Variants in FGGY observed in about 807,000 individuals in gnomAD.
The protein encoded by FGGY is FGGY carbohydrate kinase domain containing, also known as FGGY carbohydrate kinase domain-containing protein.
In FGGY, 72 loss-of-function variants were observed where a neutral mutation model predicts 71.3. That is an observed-to-expected ratio of 1.01 (90% CI 0.84 to 1.23). The LOEUF is 1.23. Among genes scored for constraint, FGGY ranks in the 50% most tolerant of loss-of-function variants. The pLI, the probability that FGGY is intolerant of heterozygous loss-of-function variation, is 0.00. For missense variants in FGGY, 668 were observed against 682.3 expected, an observed-to-expected ratio of 0.98 and a Z score of 0.23; for synonymous variants, 251 against 250.3, an observed-to-expected ratio of 1.00 and a Z score of -0.02.
At chr1:59,730,495 C>G (rs1444083151) in intron 14 of FGGY, among the ~76,000 whole-genome samples, 9 of 152,134 alleles carry the variant, frequency 5.9e-5, no homozygotes, top group Admixed American at 5.9e-4. Flanking sequence ...GCCAGAATAG[C>G]ACCTGACTCA....
chr1:59,577,195 T>C (rs553146378), intron 8 of FGGY, among the ~76,000 whole-genome samples: 1 of 152,330 alleles, frequency 6.6e-6, no homozygotes, highest in African/African-American at 2.4e-5. Flanking sequence ...AATGAGTCAA[T>C]CACAGAGCAT....
intron 7 of FGGY, among the ~76,000 whole-genome samples, chr1:59,539,150 G>A (rs1570945633): frequency 1.3e-5 from 2 of 152,084 alleles, no homozygotes; most frequent in East Asian, 1.9e-4. Context: ...AGGGATATAT[G>A]ATGTTCATTG....
At chr1:59,591,409 T>A (rs1353670456) in intron 8 of FGGY, among the ~76,000 whole-genome samples, 4 of 152,162 alleles carry the variant, frequency 2.6e-5, no homozygotes, top group African/African-American at 7.2e-5. Flanking sequence ...AAGCTACCAA[T>A]GACTTTCTTC....
intron 4 of FGGY, among the ~76,000 whole-genome samples, chr1:59,356,727 G>A (rs1024733687): frequency 6.6e-6 from 1 of 152,126 alleles, no homozygotes; most frequent in Non-Finnish European, 1.5e-5. Context: ...CCCAACATAA[G>A]TTAATTTTCT....
At chr1:59,747,712 C>T (rs1363037776) in intron 14 of FGGY, among the ~76,000 whole-genome samples, 1 of 152,186 alleles carries the variant, frequency 6.6e-6, no homozygotes, top group Admixed American at 6.5e-5. Flanking sequence ...TTAATATGAA[C>T]AGTCATTCTA....
chr1:59,751,662 G>A (rs1046912082), intron 14 of FGGY, among the ~76,000 whole-genome samples: 15 of 152,080 alleles, frequency 9.9e-5, no homozygotes, highest in Admixed American at 6.5e-4. Flanking sequence ...CCTATGTATC[G>A]AAATCTAAGG....
At chr1:59,405,380 C>T (rs1434093948) in intron 5 of FGGY, among the ~76,000 whole-genome samples, 2 of 152,106 alleles carry the variant, frequency 1.3e-5, no homozygotes, top group Non-Finnish European at 2.9e-5. Context: ...CAACTTATTC[C>T]TGGTTGGAAG....
chr1:59,515,921 G>C (rs918359548), intron 7 of FGGY, among the ~76,000 whole-genome samples: 1 of 151,524 alleles, frequency 6.6e-6, no homozygotes, highest in Non-Finnish European at 1.5e-5. Context: ...AGATAGAATA[G>C]TTTTTTTTTG....
At chr1:59,491,026 T>TCCCTCCCCTCCC (rs1179656301) in intron 6 of FGGY, among the ~76,000 whole-genome samples, 1 of 5,000 alleles carries the variant, frequency 2.0e-4, no homozygotes, top group South Asian at 8.9e-3. Context: ...TTCCTTTCCT[T>TCCCTCCCCTCCC]TCCTTTCCTT....
chr1:59,322,131 A>C (rs758442402), intron 2 of FGGY, among the ~76,000 whole-genome samples: 2 of 152,166 alleles, frequency 1.3e-5, no homozygotes, highest in Non-Finnish European at 2.9e-5. Flanking sequence ...GCATCTTCAC[A>C]TGACCCTATA....
At chr1:59,334,178 T>G (rs2049019792) in intron 2 of FGGY, among the ~76,000 whole-genome samples, 1 of 152,222 alleles carries the variant, frequency 6.6e-6, no homozygotes, top group African/African-American at 2.4e-5. Flanking sequence ...AGTCTCATTC[T>G]GTCGCCCAGG....
At chr1:59,719,209 A>T (rs2100563837) in intron 14 of FGGY, among the ~76,000 whole-genome samples, 1 of 152,340 alleles carries the variant, frequency 6.6e-6, no homozygotes, top group Non-Finnish European at 1.5e-5. Context: ...AGAAGCAGGA[A>T]GACCTCTTCA....
intron 5 of FGGY, among the ~76,000 whole-genome samples, chr1:59,438,807 C>T (rs1024852259): frequency 3.9e-5 from 6 of 152,160 alleles, no homozygotes; most frequent in Non-Finnish European, 8.8e-5. Flanking sequence ...TTTTGCTTCA[C>T]ATTTAGAAAT....
intron 8 of FGGY, among the ~76,000 whole-genome samples, chr1:59,591,626 A>G (rs2096440974): frequency 6.6e-6 from 1 of 152,212 alleles, no homozygotes; most frequent in Admixed American, 6.5e-5. Context: ...GCCCTCAGAA[A>G]TAACACCGCA....
At chr1:59,738,697 T>C (rs2098124334) in intron 14 of FGGY, among the ~76,000 whole-genome samples, 1 of 152,232 alleles carries the variant, frequency 6.6e-6, no homozygotes, top group African/African-American at 2.4e-5. Flanking sequence ...GCAACAGGAA[T>C]GTGGCAAGAA....
At chr1:59,734,677 G>A (rs900366723) in intron 14 of FGGY, among the ~76,000 whole-genome samples, 4 of 152,214 alleles carry the variant, frequency 2.6e-5, no homozygotes, top group African/African-American at 9.6e-5. Flanking sequence ...GAGGAATGCC[G>A]AGACCCTCCT....
intron 4 of FGGY, among the ~76,000 whole-genome samples, chr1:59,349,042 C>G (rs114304474): frequency 6.6e-6 from 1 of 152,088 alleles, no homozygotes; most frequent in Non-Finnish European, 1.5e-5. Flanking sequence ...CTGCGCTGCC[C>G]GGTACCCTGC....
intron 8 of FGGY, among the ~76,000 whole-genome samples, chr1:59,588,830 A>G (rs1200884151): frequency 6.6e-6 from 1 of 152,222 alleles, no homozygotes; most frequent in Non-Finnish European, 1.5e-5. Context: ...AGCCACTGGA[A>G]AATCATGCCA....
intron 4 of FGGY, among the ~76,000 whole-genome samples, chr1:59,376,177 A>G (rs1246266829): frequency 6.6e-6 from 1 of 152,200 alleles, no homozygotes; most frequent in African/African-American, 2.4e-5. Context: ...CAGAGATACT[A>G]CTAGTTCTTA....
Sources: allele counts gnomAD v4.1 joint callset (sites outside exome capture counted in the v4.1 genomes callset), GRCh38; gene constraint gnomAD v4.1.1; transcripts MANE v1.5; gene names NCBI Gene and HGNC (gene_info 2026-07-23, HGNC 2026-07-21).